Variants in SLA observed in about 807,000 individuals in gnomAD.
SLA encodes the protein src-like-adapter.
In SLA, 16 loss-of-function variants were observed where a neutral mutation model predicts 30.3. The ratio of observed to expected loss-of-function variants is 0.53; its 90% CI spans 0.36 to 0.80. The LOEUF (loss-of-function observed/expected upper bound fraction) is 0.80, where lower values mean the gene tolerates loss of function less well. Ranked by LOEUF, SLA falls within the 30% of genes least tolerant of loss-of-function variation. The pLI is 0.01. For synonymous variants in SLA, 143 were observed against 137.8 expected, an observed-to-expected ratio of 1.04 and a Z score of -0.26; for missense variants, 310 against 345.2, an observed-to-expected ratio of 0.90 and a Z score of 0.81.
intron 2 of SLA, among the ~76,000 whole-genome samples, chr8:133,068,917 T>A (rs2131403972): frequency 6.6e-6 from 1 of 152,388 alleles, no homozygotes. Flanking sequence ...AAAACCAGGC[T>A]ATAAATGGGG....
intron 1 of SLA, among the ~76,000 whole-genome samples, chr8:133,099,074 A>G (rs1395481854): frequency 1.3e-5 from 2 of 152,220 alleles, no homozygotes; most frequent in Non-Finnish European, 2.9e-5. Flanking sequence ...TTGCAAAGAA[A>G]GATGGGGCCA....
chr8:133,092,646 G>A (rs757651504), intron 1 of SLA, among the ~76,000 whole-genome samples: 3 of 152,134 alleles, frequency 2.0e-5, no homozygotes, highest in Non-Finnish European at 4.4e-5. Context: ...ATGGTCACTT[G>A]CCCAAGCCCA....
chr8:133,076,341 C>T (rs1429298043), intron 1 of SLA, among the ~76,000 whole-genome samples: 3 of 152,352 alleles, frequency 2.0e-5, no homozygotes, highest in Non-Finnish European at 4.4e-5. Context: ...ATTTGGAAAC[C>T]TCACTTGGGG....
chr8:133,058,926 G>C (rs1841945982), intron 3 of SLA: 2 of 457,396 alleles, frequency 4.4e-6, no homozygotes, highest in South Asian at 3.2e-5. Flanking sequence ...AAAGGGGTGT[G>C]GGGTGGCTGG....
chr8:133,088,031 A>G (rs1846882571), intron 1 of SLA, among the ~76,000 whole-genome samples: 1 of 152,224 alleles, frequency 6.6e-6, no homozygotes, highest in Admixed American at 6.5e-5. Flanking sequence ...GGTTTCAATA[A>G]TATTGGTTCT....
chr8:133,096,118 T>C, intron 1 of SLA: 3 of 1,502,230 alleles, frequency 2.0e-6, no homozygotes, highest in South Asian at 2.3e-5. Flanking sequence ...ATAACCAGTA[T>C]TGGCATTCAG....
intron 7 of SLA, among the ~76,000 whole-genome samples, chr8:133,042,901 T>C: frequency 6.6e-6 from 1 of 151,616 alleles, no homozygotes; most frequent in African/African-American, 2.4e-5. Flanking sequence ...ACCATGTTGG[T>C]CAGACTAGCC....
At position 133,038,347 on chromosome 8, in the gene SLA, T is replaced by C. The variant is rs1837463290; in HGVS notation, c.*177A>G. On this transcript the variant is annotated 3_prime_UTR_variant, in exon 9 of 9. Coordinates refer to ENST00000338087, the MANE Select transcript of SLA (RefSeq NM_001045556.3). ...GCCCTGATCAGACACCAGGGAGGGG[T>C]TCCTTTGGTCATGATGTGGATAGAG... The C allele has an allele frequency of 1.6e-6, 1 of 611,488 alleles. No homozygotes were observed. Among genetic ancestry groups the C allele is most frequent in the Non-Finnish European group, 2.9e-6 (1 of 344,002 alleles). 37.9% of individuals were successfully genotyped at this position (611,488 alleles called of 1,614,324 possible).
chr8:133,095,343 C>CA, intron 1 of SLA: 1 of 1,233,626 alleles, frequency 8.1e-7, no homozygotes, highest in Non-Finnish European at 1.2e-6. Flanking sequence ...AGCTGGAACT[C>CA]ACATTCCCTA....
intron 1 of SLA, among the ~76,000 whole-genome samples, chr8:133,090,311 G>A (rs1847289329): frequency 6.6e-6 from 1 of 152,210 alleles, no homozygotes; most frequent in South Asian, 2.1e-4. Context: ...CCTGGGTTTG[G>A]AGTTGGAACA....
intron 1 of SLA, among the ~76,000 whole-genome samples, chr8:133,081,968 G>A (rs552994306): frequency 6.6e-6 from 1 of 152,334 alleles, no homozygotes; most frequent in African/African-American, 2.4e-5. Context: ...TAAGCAAAGA[G>A]GGCTGTAGCC....
intron 3 of SLA, among the ~76,000 whole-genome samples, chr8:133,058,071 T>C (rs1352536085): frequency 6.6e-6 from 1 of 152,200 alleles, no homozygotes; most frequent in African/African-American, 2.4e-5. Flanking sequence ...TGAGCAGCCA[T>C]AGGAGCTTGA....
intron 3 of SLA, among the ~76,000 whole-genome samples, chr8:133,054,465 G>A (rs1307602949): frequency 2.6e-5 from 4 of 152,136 alleles, no homozygotes; most frequent in South Asian, 2.1e-4. Flanking sequence ...TGATTTCTTC[G>A]TGAATAAAAA....
chr8:133,039,467 A>T (rs1413166823), intron 8 of SLA, among the ~76,000 whole-genome samples: 1 of 152,178 alleles, frequency 6.6e-6, no homozygotes, highest in East Asian at 1.9e-4. Flanking sequence ...CTGGATTGAT[A>T]CTGAATTATT....
At position 133,038,336 on chromosome 8, in the gene SLA, C is replaced by T; in HGVS notation, c.*188G>A. Reference sequence around the variant, plus strand: ...GTGATGCCACAGCCCTGATCAGACACCAGGGAGGGGTTCCTTTGGTCATGA... The same window carrying T: ...GTGATGCCACAGCCCTGATCAGACATCAGGGAGGGGTTCCTTTGGTCATGA... On this transcript the variant is annotated 3_prime_UTR_variant, in exon 9 of 9. Transcript: ENST00000338087. 1 of 607,518 alleles carries T rather than the reference C, an allele frequency of 1.6e-6. No individual in the cohort carries two copies. The highest frequency in any genetic ancestry group is 2.9e-6 in the Non-Finnish European group (1 of 342,298). 37.6% of individuals were successfully genotyped at this position (607,518 alleles called of 1,614,324 possible). A position where few individuals can be genotyped will look rare whatever the true frequency, so the allele number is the denominator to read the frequency against.
chr8:133,057,387 A>T (rs994884586), intron 3 of SLA, among the ~76,000 whole-genome samples: 36 of 152,254 alleles, frequency 2.4e-4, no homozygotes, highest in African/African-American at 8.7e-4. Context: ...ACACTTTGGG[A>T]TGATTTGAAA....
At chr8:133,044,708 G>A (rs541905247) in intron 7 of SLA, among the ~76,000 whole-genome samples, 6 of 152,302 alleles carry the variant, frequency 3.9e-5, no homozygotes, top group East Asian at 1.9e-4. Flanking sequence ...TGTGCAAGCT[G>A]GTTGCAGTTG....
intron 4 of SLA, 170 bp downstream of exon 4, chr8:133,050,646 C>A: frequency 1.7e-6 from 1 of 595,662 alleles, no homozygotes. Context: ...GGTTCTAGAG[C>A]ACTGGCCACA....
chr8:133,039,963 A>G (rs770116939), intron 8 of SLA, 35 bp downstream of exon 8: 1 of 1,526,052 alleles, frequency 6.6e-7, no homozygotes, highest in Non-Finnish European at 8.8e-7. Flanking sequence ...GCACACACAC[A>G]CACACACACA....
Sources: gnomAD v4.1 joint callset for allele counts (sites outside exome capture counted in the v4.1 genomes callset) on GRCh38, gnomAD v4.1.1 for gene constraint, MANE v1.5 for transcripts, NCBI Gene and HGNC (gene_info 2026-07-23, HGNC 2026-07-21) for gene names.